Variants in ZNF185 observed in about 807,000 individuals in gnomAD.
ZNF185 encodes the protein zinc finger protein 185.
A neutral mutation model predicts 58.6 loss-of-function variants in ZNF185; 56 were observed. The observed-to-expected ratio is 0.95, with a 90% CI of 0.77 to 1.19. The LOEUF is 1.19. Among genes scored for constraint, ZNF185 ranks in the 50% most tolerant of loss-of-function variants. The pLI is 0.00. For synonymous variants in ZNF185, 230 were observed against 215.9 expected (o/e 1.07, Z -0.57); for missense variants, 627 against 573.5 (o/e 1.09, Z -0.95).
At chrX:152,923,073 A>G (rs185823596) in intron 11 of ZNF185, among the ~76,000 whole-genome samples, 1 of 112,503 alleles carries the variant, frequency 8.9e-6, no homozygotes, top group East Asian at 2.8e-4. Flanking sequence ...TAAGTCCTGC[A>G]GGGAGAGCCA....
chrX:152,971,453 T>C (rs1270697418), exon 23 of ZNF185: 1 of 112,273 alleles, frequency 8.9e-6, no homozygotes, highest in African/African-American at 3.2e-5. Context: ...ATCTTAATGA[T>C]GCTATGATAA....
intron 3 of ZNF185, 26 bp downstream of exon 4, chrX:152,915,229 G>C: frequency 8.3e-7 from 1 of 1,200,939 alleles, no homozygotes; most frequent in Non-Finnish European, 1.1e-6. Context: ...CAGGTGGCTG[G>C]TGGGTCAGCC....
intron 11 of ZNF185, among the ~76,000 whole-genome samples, chrX:152,924,770 C>T (rs1441780089): frequency 8.1e-5 from 9 of 110,573 alleles, no homozygotes; most frequent in African/African-American, 2.6e-4. Flanking sequence ...CCGCAGCCTC[C>T]GCCTCCCGGG....
At chrX:152,956,102 G>C (rs1025211618) in intron 16 of ZNF185, among the ~76,000 whole-genome samples, 12 of 111,326 alleles carry the variant, frequency 1.1e-4, no homozygotes, top group East Asian at 5.6e-4. Context: ...GTTGAAGAGA[G>C]ACCATTTGAC....
chrX:152,963,089 G>A (rs1423260257), intron 17 of ZNF185, among the ~76,000 whole-genome samples: 3 of 113,114 alleles, frequency 2.7e-5, no homozygotes, highest in Non-Finnish European at 5.6e-5. Flanking sequence ...TAAGTTGGAA[G>A]GTGCAAACAA....
rs1207681513 is a variant in ZNF185 at position 152,941,563 on chromosome X, GCCA to G, written c.1211+3404_1211+3406del. 8.0e-6 allele frequency: 8 copies of G among 997,417 alleles called. No homozygotes were observed. The African/African-American group carries it at 1.4e-4, about 18-fold the overall frequency. 82.2% of individuals were successfully genotyped at this position (997,417 alleles called of 1,213,427 possible). A position where few individuals can be genotyped will look rare whatever the true frequency, so the allele number is the denominator to read the frequency against. ...TGTGCGCCTGCGCGAATGCGCGCTC[GCCA>G]CCAGCGTACGCGACGCGTGCGCGCC... On this transcript the variant is annotated intron_variant, in intron 15 of 22. Transcript: ENST00000449285.
At chrX:152,949,850 A>G (rs1314920759) in intron 16 of ZNF185, among the ~76,000 whole-genome samples, 1 of 112,035 alleles carries the variant, frequency 8.9e-6, no homozygotes, top group African/African-American at 3.2e-5. Context: ...TCTAGACACT[A>G]GGGAGATCTC....
chrX:152,968,824 C>A (rs2050383365), intron 20 of ZNF185, among the ~76,000 whole-genome samples: 1 of 112,622 alleles, frequency 8.9e-6, no homozygotes, highest in African/African-American at 3.2e-5. Context: ...CAGAAACAGG[C>A]ATCCTGGAAC....
At chrX:152,913,156 C>T (rs1937611549), upstream of ZNF185, among the ~76,000 whole-genome samples, 1 of 112,674 alleles carries the variant, frequency 8.9e-6, no homozygotes, top group African/African-American at 3.2e-5. Flanking sequence ...CTGAGCTGGT[C>T]AGACCCTAGC....
chrX:152,961,883 G>A (rs1228979041), intron 17 of ZNF185, among the ~76,000 whole-genome samples: 1 of 111,993 alleles, frequency 8.9e-6, no homozygotes, highest in African/African-American at 3.3e-5. Context: ...TGGCCTAACC[G>A]AGATTAGAAT....
upstream of ZNF185, among the ~76,000 whole-genome samples, chrX:152,913,727 C>A (rs1937715372): frequency 8.9e-6 from 1 of 112,135 alleles, no homozygotes; most frequent in Admixed American, 9.4e-5. Context: ...CCAGACCATT[C>A]TTGGCGCTGT....
intron 12 of ZNF185, 110 bp from the exon 14 acceptor site, chrX:152,931,562 A>T: frequency 1.6e-6 from 1 of 612,757 alleles, no homozygotes; most frequent in Non-Finnish European, 2.5e-6. Flanking sequence ...CCGGCCCAGT[A>T]GCAGGTTTTA....
rs1556864411 is a variant in ZNF185 at position 152,914,842 on chromosome X, AG to A, written c.158+11del. ...TCGGAGGGTCGCACCATGTAAGGCAAGGAGGCGGGGAGGGACCGCAGCAACG... is the reference window on the plus strand; with the variant it reads ...TCGGAGGGTCGCACCATGTAAGGCAAGAGGCGGGGAGGGACCGCAGCAACG... On this transcript the variant is annotated intron_variant, in intron 2 of 22. Coordinates refer to ENST00000449285, the Ensembl canonical transcript of ZNF185. 1.7e-6 allele frequency: 2 copies of A among 1,180,221 alleles called. No homozygotes were observed. The highest frequency in any genetic ancestry group is 4.6e-4 in the Middle Eastern group (2 of 4,316).
chrX:152,963,476 TGAG>T (rs1410590521), intron 17 of ZNF185, among the ~76,000 whole-genome samples: 1 of 111,946 alleles, frequency 8.9e-6, no homozygotes, highest in African/African-American at 3.2e-5. Context: ...TCCCATCCAG[TGAG>T]GAGGTGAGCT....
chrX:152,921,580 C>T (rs1004147692), intron 9 of ZNF185, among the ~76,000 whole-genome samples: 9 of 111,237 alleles, frequency 8.1e-5, no homozygotes, highest in Admixed American at 7.6e-4. Flanking sequence ...GTTTCTGTAA[C>T]GCAGTACCAA....
chrX:152,942,646 A>G (rs1314036333), intron 15 of ZNF185, among the ~76,000 whole-genome samples: 3 of 109,542 alleles, frequency 2.7e-5, no homozygotes, highest in Non-Finnish European at 5.7e-5. Flanking sequence ...TTCCTACTAA[A>G]CTTTTGTCAT....
chrX:152,947,840 C>T (rs2047935384), intron 16 of ZNF185, among the ~76,000 whole-genome samples: 1 of 111,836 alleles, frequency 8.9e-6, no homozygotes, highest in African/African-American at 3.3e-5. Flanking sequence ...TTCAGGGATG[C>T]TGAGGGAAGC....
chrX:152,935,322 G>A (rs1431038348), intron 14 of ZNF185, among the ~76,000 whole-genome samples: 1 of 102,256 alleles, frequency 9.8e-6, no homozygotes, highest in Non-Finnish European at 2.0e-5. Flanking sequence ...TGCAAGCTCC[G>A]CCTCCTGAGT....
intron 8 of ZNF185, 38 bp downstream of exon 9, chrX:152,920,449 C>T (rs200011545): frequency 8.6e-7 from 1 of 1,162,051 alleles, no homozygotes; most frequent in East Asian, 3.0e-5. Flanking sequence ...TCTAGGACAG[C>T]TCTCCTCTCC....
Sources: gnomAD v4.1 joint callset for allele counts (sites outside exome capture counted in the v4.1 genomes callset) on GRCh38, gnomAD v4.1.1 for gene constraint, MANE v1.5 for transcripts, NCBI Gene and HGNC (gene_info 2026-07-23, HGNC 2026-07-21) for gene names.